Variants in PTPN4 observed in about 807,000 individuals in gnomAD.
The protein encoded by PTPN4 is tyrosine-protein phosphatase non-receptor type 4.
A neutral mutation model predicts 135.5 loss-of-function variants in PTPN4; 49 were observed. The ratio of observed to expected loss-of-function variants is 0.36; its 90% CI spans 0.29 to 0.46. PTPN4 has a LOEUF of 0.46. Among genes scored for constraint, PTPN4 ranks in the 20% least tolerant of loss-of-function variants. The probability of loss-of-function intolerance (pLI) is 1.00; values close to 1 mark genes in which losing one functional copy is unlikely to be tolerated. For missense variants in PTPN4, 860 were observed against 1,101.0 expected (o/e 0.78, Z 3.10); for synonymous variants, 333 against 369.9 (o/e 0.90, Z 1.14).
intron 10 of PTPN4, among the ~76,000 whole-genome samples, chr2:119,907,638 T>C (rs72838981): frequency 0.021 from 3,165 of 151,888 alleles, 61 homozygotes; most frequent in Non-Finnish European, 0.033. Flanking sequence ...TATGGAACCC[T>C]AAAAGATCCT....
At chr2:119,835,579 A>T (rs1474284820) in intron 2 of PTPN4, among the ~76,000 whole-genome samples, 1 of 152,180 alleles carries the variant, frequency 6.6e-6, no homozygotes, top group East Asian at 1.9e-4. Flanking sequence ...TGAGGTGATC[A>T]GTCTATATTC....
intron 9 of PTPN4, among the ~76,000 whole-genome samples, chr2:119,887,673 G>T (rs552614717): frequency 6.6e-6 from 1 of 152,254 alleles, no homozygotes; most frequent in Admixed American, 6.5e-5. Flanking sequence ...CTTTGTTGAA[G>T]ATCAGTTGGC....
At chr2:119,847,124 C>A (rs1220615944) in intron 2 of PTPN4, among the ~76,000 whole-genome samples, 1 of 148,732 alleles carries the variant, frequency 6.7e-6, no homozygotes, top group African/African-American at 2.5e-5. Context: ...TTTCCATAGG[C>A]CAAAACAACT....
At chr2:119,784,333 A>G (rs1472392224) in intron 1 of PTPN4, among the ~76,000 whole-genome samples, 1 of 145,830 alleles carries the variant, frequency 6.9e-6, no homozygotes, top group Non-Finnish European at 1.5e-5. Context: ...TCCTGCCTTA[A>G]CCTACCACCA....
rs757914515 is a variant in PTPN4 at position 119,915,187 on chromosome 2, T to C, written c.773T>C (p.Ile258Thr). ...VRMNTFPWLK[I>T]VKISFKCKQF... ...TATTGTCTTTTGTCCAGGTTGAAGA[T>C]TGTAAAAATTTCTTTTAAGTGCAAA... is the stretch of plus-strand genomic sequence containing the variant. The change falls in exon 11 of 27, where the codon ATT (isoleucine) becomes ACT (threonine). Residue 258 changes from isoleucine to threonine, a missense_variant. Transcript: ENST00000263708. The C allele has an allele frequency of 1.3e-6, 2 of 1,543,056 alleles. No homozygotes were observed. Among genetic ancestry groups the C allele is most frequent in the South Asian group, 1.2e-5 (1 of 80,686 alleles).
intron 2 of PTPN4, among the ~76,000 whole-genome samples, chr2:119,838,022 C>T (rs986165411): frequency 2.0e-5 from 3 of 152,264 alleles, no homozygotes; most frequent in Non-Finnish European, 4.4e-5. Flanking sequence ...GCGAGCCAAG[C>T]TTCCTTCCAG....
chr2:119,971,475 TA>T (rs1679534302), intron 26 of PTPN4, among the ~76,000 whole-genome samples: 1 of 152,250 alleles, frequency 6.6e-6, no homozygotes, highest in Non-Finnish European at 1.5e-5. Flanking sequence ...TATTTGTATA[TA>T]TTTTTTGGAG....
chr2:119,912,441 T>C (rs1678585112), intron 10 of PTPN4, among the ~76,000 whole-genome samples: 1 of 152,208 alleles, frequency 6.6e-6, no homozygotes, highest in Admixed American at 6.5e-5. Context: ...ATGTCAGTTA[T>C]ACATAATAAA....
At chr2:119,857,030 C>T (rs920465248) in intron 2 of PTPN4, among the ~76,000 whole-genome samples, 2 of 152,050 alleles carry the variant, frequency 1.3e-5, no homozygotes, top group East Asian at 1.9e-4. Context: ...TACTCAGTTA[C>T]TTATCTTTTG....
chr2:119,761,521 C>A (rs1286449271), intron 1 of PTPN4, among the ~76,000 whole-genome samples: 1 of 152,160 alleles, frequency 6.6e-6, no homozygotes, highest in South Asian at 2.1e-4. Flanking sequence ...TTTGTGTATT[C>A]TACAGAACCT....
intron 1 of PTPN4, among the ~76,000 whole-genome samples, chr2:119,779,541 C>T (rs1192040449): frequency 2.0e-5 from 3 of 148,836 alleles, no homozygotes; most frequent in East Asian, 2.0e-4. Flanking sequence ...GGTGTGAACC[C>T]GGGAGGCGGA....
rs547387521 is a variant in PTPN4 at position 119,929,053 on chromosome 2, G to A, written c.1070+2387G>A. On this transcript the variant is annotated intron_variant, in intron 13 of 26. Coordinates refer to ENST00000263708, the MANE Select transcript of PTPN4 (RefSeq NM_002830.4). ...TTATAAAACAAATAGCCATGATTCC[G>A]TGAATAGTAGAGGTAAAATTTCAAT... 1.4e-4 allele frequency among the ~76,000 whole-genome samples: 21 copies of A among 152,092 alleles called. No homozygotes were observed. In the South Asian group the frequency reaches 4.1e-3, roughly 30 times the overall value.
intron 15 of PTPN4, among the ~76,000 whole-genome samples, chr2:119,938,225 T>C (rs1679013296): frequency 2.6e-5 from 4 of 151,484 alleles, no homozygotes; most frequent in African/African-American, 9.7e-5. Flanking sequence ...CCTCCCGGGT[T>C]CACGCCATTC....
chr2:119,975,582 G>A (rs1385759880), intron 26 of PTPN4, among the ~76,000 whole-genome samples: 4 of 152,116 alleles, frequency 2.6e-5, no homozygotes, highest in East Asian at 1.9e-4. Flanking sequence ...AAAATTAGCC[G>A]GGCATGATGG....
At chr2:119,897,237 A>C (rs1678338147) in intron 9 of PTPN4, among the ~76,000 whole-genome samples, 1 of 151,884 alleles carries the variant, frequency 6.6e-6, no homozygotes, top group Non-Finnish European at 1.5e-5. Context: ...CCAGCCTCCT[A>C]AGTCCTTTTG....
chr2:119,843,218 CTTTTTTTTTTTT>C (rs779045976), intron 2 of PTPN4, among the ~76,000 whole-genome samples: 2 of 107,296 alleles, frequency 1.9e-5, no homozygotes, highest in Non-Finnish European at 1.9e-5. Flanking sequence ...ATGCATTTTT[CTTTTTTTTTTTT>C]TTTTTTTTGC....
At chr2:119,914,627 T>C (rs1330318121) in intron 10 of PTPN4, among the ~76,000 whole-genome samples, 1 of 152,142 alleles carries the variant, frequency 6.6e-6, no homozygotes, top group Non-Finnish European at 1.5e-5. Flanking sequence ...TCTTTAGCCT[T>C]ATTACCCTTA....
In PTPN4 at chr2:119,956,485, T is replaced by G. The variant is rs1490374172; in HGVS notation, c.1981-359T>G. ...TTAACTATAAAACATTTAGGATATG[T>G]CTGTTTTTGTTCAAAAGTTCTTAGT... On this transcript the variant is annotated intron_variant, in intron 20 of 26. Coordinates refer to ENST00000263708, the MANE Select transcript of PTPN4 (RefSeq NM_002830.4). Among the ~76,000 whole-genome samples, 4 of 152,204 alleles carry G rather than the reference T, an allele frequency of 2.6e-5. No homozygotes were observed. The East Asian group carries it at 7.7e-4, about 29-fold the overall frequency.
chr2:119,954,696 T>A (rs545046927), intron 19 of PTPN4, among the ~76,000 whole-genome samples: 20 of 152,202 alleles, frequency 1.3e-4, no homozygotes, highest in Non-Finnish European at 2.6e-4. Flanking sequence ...AATTCTCATT[T>A]ATAGTCTGGC....
Sources: gnomAD v4.1 joint callset for allele counts (sites outside exome capture counted in the v4.1 genomes callset) on GRCh38, gnomAD v4.1.1 for gene constraint, MANE v1.5 for transcripts, NCBI Gene and HGNC (gene_info 2026-07-23, HGNC 2026-07-21) for gene names.